The following MYB variants were observed in gnomAD, a reference collection of about 807,000 sequenced individuals.
The protein encoded by MYB is transcriptional activator Myb.
MYB carries 28 observed loss-of-function variants against 92.9 expected under a neutral mutation model. That is an observed-to-expected ratio of 0.30 (90% CI 0.22 to 0.41). The LOEUF is 0.41. MYB is among the 10% of genes least tolerant of loss of function. MYB has a pLI of 1.00. For synonymous variants in MYB, 295 were observed against 329.1 expected, an observed-to-expected ratio of 0.90 and a Z score of 1.12; for missense variants, 679 against 929.3, an observed-to-expected ratio of 0.73 and a Z score of 3.50.
In MYB at chr6:135,190,650, G is replaced by T. The variant is rs1448784987; in HGVS notation, c.527+303G>T. Among the ~76,000 whole-genome samples the T allele has an allele frequency of 6.6e-6, 1 of 152,126 alleles. No homozygotes were observed. The highest frequency in any genetic ancestry group is 1.5e-5 in the Non-Finnish European group (1 of 68,012). On this transcript the variant is annotated intron_variant, in intron 5 of 15. Coordinates refer to ENST00000341911, the MANE Select transcript of MYB (RefSeq NM_001130173.2). This position sits in a 1 kb window ranked among gnomAD's most constrained non-coding sequence, Gnocchi z 4.5. The stretch of plus-strand genomic sequence containing the variant: ...AGGATCAAGTAAAATGAATGTCAAA[G>T]GACTTGGTAAACTATAAAACTCTAA...
intron 14 of MYB, 195 bp from the exon 15 acceptor site, chr6:135,203,022 C>T (rs1778351124): frequency 1.4e-6 from 1 of 703,080 alleles, no homozygotes. Flanking sequence ...TGATGTTTGC[C>T]ACAATGGGAT....
At chr6:135,203,349 T>C in intron 15 of MYB, 25 bp downstream of exon 15, 1 of 1,504,832 alleles carries the variant, frequency 6.6e-7, no homozygotes, top group Non-Finnish European at 9.2e-7. Context: ...AACATTGGTA[T>C]TTTAAAATTC....
At position 135,181,328 on chromosome 6, in the gene MYB, T is replaced by TTCCTCCTCCTCCTTC. The variant is rs1423667486; in HGVS notation, c.-173_-159dup. ...AGTTTACACTTTAATATCAACCTGT[T>TTCCTCCTCCTCCTTC]TCCTCCTCCTCCTTCTCCTCCTCCT... is the stretch of plus-strand genomic sequence containing the variant. On this transcript the variant is annotated 5_prime_UTR_variant, in exon 1 of 16. Transcript: ENST00000341911. The surrounding 1 kb of genome is among the most constrained non-coding windows in gnomAD (Gnocchi z 5.3). 122 of 199,404 alleles carry TTCCTCCTCCTCCTTC rather than the reference T, an allele frequency of 6.1e-4. No homozygotes were observed. Among genetic ancestry groups the TTCCTCCTCCTCCTTC allele is most frequent in the Admixed American group, 9.8e-4 (16 of 16,270 alleles). 12.4% of individuals were successfully genotyped at this position (199,404 alleles called of 1,614,324 possible).
At chr6:135,192,811 A>ACGAGCTGT (rs1776789705) in intron 6 of MYB, among the ~76,000 whole-genome samples, 1 of 152,190 alleles carries the variant, frequency 6.6e-6, no homozygotes, top group Non-Finnish European at 1.5e-5. Context: ...TGACTAGAAA[A>ACGAGCTGT]CGAGCTGTCC....
Position 135,195,846 on chromosome 6 carries a change from A to G in MYB, c.1047A>G (p.Gly349=). The change falls in exon 9 of 16, where the codon GGA becomes GGG. Residue 349 remains glycine (G), a synonymous_variant. Coordinates refer to ENST00000341911, the MANE Select transcript of MYB (RefSeq NM_001130173.2). The part of the protein sequence containing the change: ...HGDSAPVSCL[G]EHHSTPSLPA... Reference sequence around the variant, plus strand: ...ACAGTGCACCTGTTTCCTGTTTGGGAGAACACCACTCCACTCCATCTCTGC... The same window carrying G: ...ACAGTGCACCTGTTTCCTGTTTGGGGGAACACCACTCCACTCCATCTCTGC... The G allele has an allele frequency of 6.2e-7, 1 of 1,614,140 alleles. No individual in the cohort carries two copies. The highest frequency in any genetic ancestry group is 8.5e-7 in the Non-Finnish European group (1 of 1,180,012).
At chr6:135,183,289 AC>A (rs1775413687) in intron 1 of MYB, among the ~76,000 whole-genome samples, 1 of 151,890 alleles carries the variant, frequency 6.6e-6, no homozygotes, top group African/African-American at 2.4e-5. Flanking sequence ...GATTATATTA[AC>A]CAGGTCAGCG....
Position 135,192,576 on chromosome 6 carries a change from A to C in MYB, c.762+18A>C. ...CACAAAATGTAAGCCATTCCTGTGA[A>C]TCTAGTTTAATGAGAGAGACGGTTA... is the stretch of plus-strand genomic sequence containing the variant. On this transcript the variant is annotated intron_variant, in intron 6 of 15. Transcript: ENST00000341911. 6.2e-7 allele frequency: 1 copy of C among 1,603,314 alleles called. No individual in the cohort carries two copies. Among genetic ancestry groups the C allele is most frequent in the Non-Finnish European group, 8.5e-7 (1 of 1,170,000 alleles).
chr6:135,195,712 C>T (rs1318954504), intron 8 of MYB, 36 bp from the exon 9 acceptor site: 4 of 1,606,440 alleles, frequency 2.5e-6, no homozygotes, highest in African/African-American at 2.7e-5. Flanking sequence ...TTTCTTCTGT[C>T]CTCTCTTTAT....
chr6:135,198,643 T>C (rs1359133181), intron 10 of MYB, among the ~76,000 whole-genome samples: 1 of 152,232 alleles, frequency 6.6e-6, no homozygotes, highest in African/African-American at 2.4e-5. Context: ...ATGACAAGTG[T>C]CATTTATTGA....
At chr6:135,185,695 C>T (rs1470199703) in intron 1 of MYB, among the ~76,000 whole-genome samples, 2 of 152,200 alleles carry the variant, frequency 1.3e-5, no homozygotes, top group Non-Finnish European at 2.9e-5. Context: ...AGGTCCTTGG[C>T]CGTGTCTGTG....
intron 1 of MYB, among the ~76,000 whole-genome samples, chr6:135,184,642 A>T (rs1425028367): frequency 6.6e-6 from 1 of 152,168 alleles, no homozygotes; most frequent in African/African-American, 2.4e-5. Flanking sequence ...CTTCAGCTTC[A>T]CTTGTAGGGG....
chr6:135,203,515 C>T, intron 15 of MYB, 191 bp downstream of exon 15: 1 of 661,046 alleles, frequency 1.5e-6, no homozygotes, highest in Non-Finnish European at 2.5e-6. Context: ...CTTTTTGCTA[C>T]TCATATGAGA....
rs1044611538 is a variant in MYB at position 135,217,759 on chromosome 6, C to G, written c.2170-105C>G. On this transcript the variant is annotated intron_variant, in intron 15 of 15. Coordinates refer to ENST00000341911, the MANE Select transcript of MYB (RefSeq NM_001130173.2). The stretch of plus-strand genomic sequence containing the variant: ...GTAAGATTCTATCTGACAAAGCCTT[C>G]CTGGTGTCAACCACTTGCCATCTGT... 8.9e-6 allele frequency: 7 copies of G among 789,168 alleles called. No individual in the cohort carries two copies. The African/African-American group carries it at 1.2e-4, about 14-fold the overall frequency. 48.9% of individuals were successfully genotyped at this position (789,168 alleles called of 1,614,324 possible).
At chr6:135,189,038 T>C (rs2128288545) in intron 3 of MYB, among the ~76,000 whole-genome samples, 1 of 152,336 alleles carries the variant, frequency 6.6e-6, no homozygotes, top group Middle Eastern at 3.4e-3. Context: ...ATTTCTGCTT[T>C]ACCTCCTCTG....
chr6:135,191,029 C>A (rs984801729), intron 5 of MYB, among the ~76,000 whole-genome samples: 2 of 152,148 alleles, frequency 1.3e-5, no homozygotes, highest in Non-Finnish European at 2.9e-5. Context: ...AAACTCCTGG[C>A]CTCAAACAAT....
rs1775203515 is a variant in MYB at position 135,182,460 on chromosome 6, G to A, written c.23+924G>A. Among the ~76,000 whole-genome samples, 2 of 152,212 alleles carry A rather than the reference G, an allele frequency of 1.3e-5. No homozygotes were observed. Among genetic ancestry groups the A allele is most frequent in the Non-Finnish European group, 2.9e-5 (2 of 68,020 alleles). ...GTCGCAGTCGCCACTCGGCTCAAGG[G>A]GACAGAGGCCGGCAGCACCCAAGGC... On this transcript the variant is annotated intron_variant, in intron 1 of 15. Transcript: ENST00000341911. This position sits in a 1 kb window ranked among gnomAD's most constrained non-coding sequence, Gnocchi z 5.6.
chr6:135,189,514 C>T (rs897365782), intron 3 of MYB, among the ~76,000 whole-genome samples: 1 of 152,174 alleles, frequency 6.6e-6, no homozygotes, highest in South Asian at 2.1e-4. Flanking sequence ...TTAAGGTTAA[C>T]TTGGCAGGCA....
Position 135,192,333 on chromosome 6 carries a change from T to C in MYB, c.537T>C (p.Asn179=), listed in dbSNP as rs1562370726. ...ATATATTTCTGTGCAGAACTGATAA[T>C]GCTATCAAGAACCACTGGAATTCTA... ...IAKLLPGRTD[N]AIKNHWNSTM... is the part of the protein sequence containing the mutation. Residue 179 remains asparagine, a synonymous_variant, in exon 6 of 16, where the codon AAT becomes AAC. Transcript: ENST00000341911. 2 of 1,613,242 alleles carry C rather than the reference T, an allele frequency of 1.2e-6. No individual in the cohort carries two copies. Among genetic ancestry groups the C allele is most frequent in the Admixed American group, 1.7e-5 (1 of 60,002 alleles).
chr6:135,194,621 G>A lies in MYB; in HGVS notation c.948+161G>A, dbSNP rs1479322255. 3 of 588,806 alleles carry A rather than the reference G, an allele frequency of 5.1e-6. No homozygotes were observed. The East Asian group carries it at 8.6e-5, about 17-fold the overall frequency. 36.5% of individuals were successfully genotyped at this position (588,806 alleles called of 1,614,324 possible). A position where few individuals can be genotyped will look rare whatever the true frequency, so the allele number is the denominator to read the frequency against. On this transcript the variant is annotated intron_variant, in intron 8 of 15. Coordinates refer to ENST00000341911, the MANE Select transcript of MYB (RefSeq NM_001130173.2). The stretch of plus-strand genomic sequence containing the variant: ...TTGTAGTAAAATGTAGTTGGTATCA[G>A]ATTATATGCTGATTAAATTGGAAGC...
Sources: allele counts gnomAD v4.1 joint callset (sites outside exome capture counted in the v4.1 genomes callset), GRCh38; gene constraint gnomAD v4.1.1; non-coding constraint Gnocchi (gnomAD v3.1); transcripts MANE v1.5; gene names NCBI Gene and HGNC (gene_info 2026-07-23, HGNC 2026-07-21).